The following LUZP2 variants were observed in gnomAD, a reference collection of about 807,000 sequenced individuals.
LUZP2 encodes leucine zipper protein 2.
A neutral mutation model predicts 51.6 loss-of-function variants in LUZP2; 52 were observed. That is an observed-to-expected ratio of 1.01 (90% CI 0.81 to 1.27). LUZP2 has a LOEUF of 1.27. LUZP2 is among the 50% of genes most tolerant of loss of function. LUZP2 has a pLI of 0.00. For missense variants in LUZP2, 436 were observed against 395.4 expected, an observed-to-expected ratio of 1.10 and a Z score of -0.87; for synonymous variants, 154 against 137.3, an observed-to-expected ratio of 1.12 and a Z score of -0.85.
intron 5 of LUZP2, among the ~76,000 whole-genome samples, chr11:24,785,634 C>T (rs1355335473): frequency 1.3e-5 from 2 of 151,580 alleles, no homozygotes; most frequent in African/African-American, 4.8e-5. Flanking sequence ...GTAGTCAATT[C>T]CAATAATAAC....
rs79850647 is a variant in LUZP2 at position 24,864,929 on chromosome 11, T to G, written c.397-41062T>G. On this transcript the variant is annotated intron_variant, in intron 5 of 11. Transcript: ENST00000336930. ...TTTAAAAAGTTGATGTTCTCATAATTGTAGGTTTATTCAGCATCTCACAAT... is the reference window on the plus strand; with the variant it reads ...TTTAAAAAGTTGATGTTCTCATAATGGTAGGTTTATTCAGCATCTCACAAT... Among the ~76,000 whole-genome samples the G allele has an allele frequency of 6.3e-3, 961 of 152,298 alleles. 21 individuals are homozygous for G. The highest frequency in any genetic ancestry group is 0.058 in the East Asian group (298 of 5,180).
At chr11:25,040,199 A>G (rs1213861418) in intron 9 of LUZP2, among the ~76,000 whole-genome samples, 1 of 152,182 alleles carries the variant, frequency 6.6e-6, no homozygotes, top group East Asian at 1.9e-4. Flanking sequence ...CTTGATTTTC[A>G]TGCCCATTAA....
At chr11:24,817,219 TAAC>T (rs3078902) in intron 5 of LUZP2, among the ~76,000 whole-genome samples, 73,146 of 151,450 alleles carry the variant, frequency 0.48, 18,013 homozygotes, top group African/African-American at 0.58. Flanking sequence ...CTATCATTAA[TAAC>T]AACAAGTTAT....
chr11:24,602,156 A>T (rs12807503), intron 1 of LUZP2, among the ~76,000 whole-genome samples: 77,305 of 122,318 alleles, frequency 0.63, 26,979 homozygotes, highest in Middle Eastern at 0.78. Flanking sequence ...ATATGTATAT[A>T]TGTATATATG....
At chr11:24,682,540 T>C (rs982755445) in intron 1 of LUZP2, among the ~76,000 whole-genome samples, 3 of 144,168 alleles carry the variant, frequency 2.1e-5, no homozygotes, top group Non-Finnish European at 4.5e-5. Context: ...GTTCAGTGTG[T>C]ATATGTATAT....
intron 1 of LUZP2, among the ~76,000 whole-genome samples, chr11:24,578,855 C>T (rs1251885321): frequency 4.6e-5 from 7 of 152,054 alleles, no homozygotes; most frequent in Admixed American, 4.6e-4. Flanking sequence ...GGATCAATCA[C>T]ACCTCAAACC....
intron 5 of LUZP2, among the ~76,000 whole-genome samples, chr11:24,839,746 T>A (rs1477652532): frequency 6.6e-6 from 1 of 151,732 alleles, no homozygotes; most frequent in African/African-American, 2.4e-5. Flanking sequence ...GGGGTCCATT[T>A]GTCAAAGTTA....
intron 9 of LUZP2, among the ~76,000 whole-genome samples, chr11:24,991,543 AT>A (rs1176461603): frequency 1.3e-5 from 2 of 151,630 alleles, no homozygotes; most frequent in Non-Finnish European, 2.9e-5. Flanking sequence ...GTGTGTAACT[AT>A]CTTTTTCATT....
intron 1 of LUZP2, among the ~76,000 whole-genome samples, chr11:24,619,927 A>C (rs1854437554): frequency 6.6e-6 from 1 of 152,178 alleles, no homozygotes. Context: ...CCAACTGTAC[A>C]TTCAAAATAG....
chr11:25,075,503 C>T (rs1047564451), intron 10 of LUZP2, among the ~76,000 whole-genome samples: 4 of 152,142 alleles, frequency 2.6e-5, no homozygotes, highest in South Asian at 4.2e-4. Context: ...CATCTAGCTG[C>T]GATCTAGTGG....
chr11:24,839,472 C>A (rs1427808938), intron 5 of LUZP2, among the ~76,000 whole-genome samples: 1 of 151,662 alleles, frequency 6.6e-6, no homozygotes, highest in African/African-American at 2.4e-5. Flanking sequence ...ATAATCAAGT[C>A]AATTTATCAC....
At chr11:24,609,729 CAAAAAAAA>C (rs34436907) in intron 1 of LUZP2, among the ~76,000 whole-genome samples, 3 of 65,896 alleles carry the variant, frequency 4.6e-5, no homozygotes, top group East Asian at 5.7e-4. Flanking sequence ...GACTCCAGCT[CAAAAAAAA>C]AAAAAAAAAA....
chr11:24,778,573 TG>T (rs1849006149), intron 5 of LUZP2, among the ~76,000 whole-genome samples: 1 of 152,130 alleles, frequency 6.6e-6, no homozygotes, highest in East Asian at 1.9e-4. Flanking sequence ...ACTTTACTCC[TG>T]GTTACTGCGA....
intron 1 of LUZP2, among the ~76,000 whole-genome samples, chr11:24,701,996 T>C (rs1393569587): frequency 6.6e-6 from 1 of 152,230 alleles, no homozygotes; most frequent in Admixed American, 6.5e-5. Flanking sequence ...AACCACTCCT[T>C]GACCATGGCT....
chr11:24,666,986 C>T (rs1366026028), intron 1 of LUZP2, among the ~76,000 whole-genome samples: 1 of 152,086 alleles, frequency 6.6e-6, no homozygotes, highest in East Asian at 1.9e-4. Context: ...TGTCACCTAA[C>T]CCTTTCGCCC....
chr11:25,025,619 C>T (rs146741413), intron 9 of LUZP2, among the ~76,000 whole-genome samples: 15,053 of 152,088 alleles, frequency 0.099, 1,838 homozygotes, highest in African/African-American at 0.29. Context: ...GTTAGAATGG[C>T]GATCATTAAA....
At chr11:25,051,847 G>T (rs1858526529) in intron 10 of LUZP2, among the ~76,000 whole-genome samples, 1 of 152,094 alleles carries the variant, frequency 6.6e-6, no homozygotes, top group South Asian at 2.1e-4. Context: ...TGGTTTGCTA[G>T]GATTCCTCAA....
chr11:24,999,404 G>T lies in LUZP2; in HGVS notation c.765+16111G>T, dbSNP rs200603306. 9.6e-3 allele frequency among the ~76,000 whole-genome samples: 1,150 copies of T among 120,104 alleles called. 30 individuals carry two copies. In the East Asian group the frequency reaches 0.1, roughly 11 times the overall value. The allele number at this position is 120,104 out of a possible 152,430, so 78.8% of individuals were successfully genotyped here. A position where few individuals can be genotyped will look rare whatever the true frequency, so the allele number is the denominator to read the frequency against. On this transcript the variant is annotated intron_variant, in intron 9 of 11. Transcript: ENST00000336930. ...AGGAGCAGGAAGATGGGGAGGAGGAGGAAGGAGAAGAAGAAGGAGGAGGAG... is the reference window on the plus strand; with the variant it reads ...AGGAGCAGGAAGATGGGGAGGAGGATGAAGGAGAAGAAGAAGGAGGAGGAG...
chr11:24,972,159 A>AAC (rs1452294472), intron 7 of LUZP2, among the ~76,000 whole-genome samples: 2 of 151,374 alleles, frequency 1.3e-5, no homozygotes, highest in Non-Finnish European at 2.9e-5. Context: ...AAAAAAAAAA[A>AAC]AAACACTTGG....
Sources: gnomAD v4.1 joint callset for allele counts (sites outside exome capture counted in the v4.1 genomes callset) on GRCh38, gnomAD v4.1.1 for gene constraint, MANE v1.5 for transcripts, NCBI Gene and HGNC (gene_info 2026-07-23, HGNC 2026-07-21) for gene names.